Variants in TBC1D22A observed in about 807,000 individuals in gnomAD.
TBC1D22A encodes the protein TBC1 domain family member 22A.
In TBC1D22A, 38 loss-of-function variants were observed where a neutral mutation model predicts 60.2. The observed-to-expected ratio is 0.63, with a 90% CI of 0.49 to 0.83. TBC1D22A has a LOEUF of 0.83. Among genes scored for constraint, TBC1D22A ranks in the 40% least tolerant of loss-of-function variants. The pLI, the probability that TBC1D22A is intolerant of heterozygous loss-of-function variation, is 0.00. For missense variants in TBC1D22A, 628 were observed against 701.0 expected (o/e 0.90, Z 1.18); for synonymous variants, 302 against 281.7 (o/e 1.07, Z -0.72).
At chr22:47,094,827 C>T (rs568962142) in intron 11 of TBC1D22A, among the ~76,000 whole-genome samples, 9 of 152,210 alleles carry the variant, frequency 5.9e-5, no homozygotes, top group South Asian at 4.2e-4. Flanking sequence ...GATCAGCCCC[C>T]GAGGCTGTAG....
At chr22:47,131,390 C>G (rs2066673777) in intron 12 of TBC1D22A, among the ~76,000 whole-genome samples, 1 of 152,224 alleles carries the variant, frequency 6.6e-6, no homozygotes, top group South Asian at 2.1e-4. Flanking sequence ...GCTGCAGAAA[C>G]CAAGCTCGTT....
intron 4 of TBC1D22A, among the ~76,000 whole-genome samples, chr22:46,807,440 G>C (rs2085196672): frequency 6.6e-6 from 1 of 152,156 alleles, no homozygotes; most frequent in African/African-American, 2.4e-5. Context: ...GCTTGGAGCT[G>C]TTTGGGAGGC....
intron 12 of TBC1D22A, among the ~76,000 whole-genome samples, chr22:47,124,028 C>T (rs990759255): frequency 1.3e-5 from 2 of 152,252 alleles, no homozygotes; most frequent in Middle Eastern, 3.4e-3. Flanking sequence ...CCATTGACAA[C>T]GGCTGGGCAC....
intron 4 of TBC1D22A, among the ~76,000 whole-genome samples, chr22:46,841,700 G>A (rs1270428693): frequency 6.6e-6 from 1 of 152,200 alleles, no homozygotes; most frequent in Non-Finnish European, 1.5e-5. Flanking sequence ...GCAAAGTGGG[G>A]AGATGTGAGC....
chr22:47,014,717 G>A (rs2061855069), intron 10 of TBC1D22A, among the ~76,000 whole-genome samples: 1 of 152,232 alleles, frequency 6.6e-6, no homozygotes, highest in Non-Finnish European at 1.5e-5. Flanking sequence ...CAGGATTGGA[G>A]CTTGGGTCTG....
At position 46,796,388 on chromosome 22, in the gene TBC1D22A, G is replaced by A. The variant is rs568530762; in HGVS notation, c.461-1056G>A. 5.9e-5 allele frequency among the ~76,000 whole-genome samples: 9 copies of A among 152,306 alleles called. No homozygotes were observed. In the South Asian group the frequency reaches 6.2e-4, roughly 11 times the overall value. ...TGGGAAGGAGGGCGCGGGGGAGTGCGGCTCCTACCTCCTTGCTCAGCGGCT... is the reference window on the plus strand; with the variant it reads ...TGGGAAGGAGGGCGCGGGGGAGTGCAGCTCCTACCTCCTTGCTCAGCGGCT... On this transcript the variant is annotated intron_variant, in intron 3 of 12. Coordinates refer to ENST00000337137, the MANE Select transcript of TBC1D22A (RefSeq NM_014346.5).
chr22:47,077,612 G>A (rs2064279040), intron 11 of TBC1D22A, among the ~76,000 whole-genome samples: 1 of 152,188 alleles, frequency 6.6e-6, no homozygotes, highest in African/African-American at 2.4e-5. Context: ...TATGTGCCTG[G>A]AGCTGTTGTA....
At chr22:46,842,706 C>T (rs1448006927) in intron 4 of TBC1D22A, among the ~76,000 whole-genome samples, 2 of 152,276 alleles carry the variant, frequency 1.3e-5, no homozygotes, top group Non-Finnish European at 2.9e-5. Flanking sequence ...AGCCTTACTG[C>T]AGAACGTTCT....
chr22:46,972,892 C>T (rs533250142), intron 8 of TBC1D22A, among the ~76,000 whole-genome samples: 2 of 152,168 alleles, frequency 1.3e-5, no homozygotes, highest in Admixed American at 6.5e-5. Flanking sequence ...GGCTGGAATC[C>T]GCCCACCCTC....
intron 8 of TBC1D22A, among the ~76,000 whole-genome samples, chr22:46,972,269 T>C (rs58944234): frequency 0.035 from 5,336 of 152,284 alleles, 252 homozygotes; most frequent in African/African-American, 0.11. Context: ...CCCCTTTAAT[T>C]CATGAGCATC....
At position 47,144,333 on chromosome 22, in the gene TBC1D22A, G is replaced by A. The variant is rs6007608; in HGVS notation, c.1426-29165G>A. ...CTCTCCCAGAGGACGGCGTCCAACCGGAAAGGTCCTTTGTGTTTGGAAAGG... is the reference window on the plus strand; with the variant it reads ...CTCTCCCAGAGGACGGCGTCCAACCAGAAAGGTCCTTTGTGTTTGGAAAGG... On this transcript the variant is annotated intron_variant, in intron 12 of 12. Transcript: ENST00000337137. Among the ~76,000 whole-genome samples the A allele has an allele frequency of 3.3e-5, 5 of 152,218 alleles. No homozygotes were observed. In the South Asian group the frequency reaches 8.3e-4, roughly 25 times the overall value.
chr22:46,852,066 G>A (rs1228663341), intron 4 of TBC1D22A, among the ~76,000 whole-genome samples: 6 of 152,148 alleles, frequency 3.9e-5, no homozygotes, highest in Admixed American at 2.6e-4. Context: ...CAGGGGCGCC[G>A]CAGGCAGCTG....
At chr22:47,071,607 G>T (rs1230632417) in intron 11 of TBC1D22A, among the ~76,000 whole-genome samples, 1 of 152,220 alleles carries the variant, frequency 6.6e-6, no homozygotes, top group Non-Finnish European at 1.5e-5. Context: ...AAAGGATCCA[G>T]CCCTGCTACT....
chr22:46,912,666 C>T (rs899071547), intron 8 of TBC1D22A, among the ~76,000 whole-genome samples: 4 of 152,202 alleles, frequency 2.6e-5, no homozygotes, highest in Non-Finnish European at 4.4e-5. Context: ...AAGTGATTCT[C>T]CTGCCTCAGC....
chr22:46,926,448 A>G (rs914198527), intron 8 of TBC1D22A, among the ~76,000 whole-genome samples: 2 of 152,258 alleles, frequency 1.3e-5, no homozygotes, highest in South Asian at 2.1e-4. Context: ...CAGGCAGTGT[A>G]TATGAAACAG....
At chr22:46,793,381 C>A in intron 2 of TBC1D22A, 120 bp from the exon 3 acceptor site, 1 of 957,088 alleles carries the variant, frequency 1.0e-6, no homozygotes, top group South Asian at 1.6e-5. Flanking sequence ...TTTTCACTCA[C>A]TATTGCTAGA....
At chr22:47,118,555 C>A (rs556936030) in intron 12 of TBC1D22A, among the ~76,000 whole-genome samples, 2 of 152,186 alleles carry the variant, frequency 1.3e-5, no homozygotes, top group Admixed American at 1.3e-4. Context: ...TAAACTAAGC[C>A]TTTAACCAAG....
chr22:47,032,537 GGCTCTGTA>G (rs2062512311), intron 10 of TBC1D22A, among the ~76,000 whole-genome samples: 1 of 152,182 alleles, frequency 6.6e-6, no homozygotes, highest in Admixed American at 6.5e-5. Flanking sequence ...AGAACACCCA[GGCTCTGTA>G]GCCCTGTCTA....
At chr22:46,954,471 A>G (rs948789415) in intron 8 of TBC1D22A, among the ~76,000 whole-genome samples, 2 of 152,214 alleles carry the variant, frequency 1.3e-5, no homozygotes, top group Non-Finnish European at 2.9e-5. Flanking sequence ...AGTTGTGGGC[A>G]TAGCACACAC....
Sources: allele counts gnomAD v4.1 joint callset (sites outside exome capture counted in the v4.1 genomes callset), GRCh38; gene constraint gnomAD v4.1.1; transcripts MANE v1.5; gene names NCBI Gene and HGNC (gene_info 2026-07-23, HGNC 2026-07-21).